Variants in NSMCE2 observed in about 807,000 individuals in gnomAD.
NSMCE2 encodes the protein NSE2 SUMO ligase component of SMC5/6 complex.
Under a neutral mutation model 23.8 loss-of-function variants are expected in NSMCE2, and 24 were observed. The observed-to-expected ratio is 1.01, with a 90% confidence interval of 0.73 to 1.42. The LOEUF (loss-of-function observed/expected upper bound fraction) is 1.42. Ranked by LOEUF, NSMCE2 falls within the 40% of genes most tolerant of loss-of-function variation. The pLI, the probability that NSMCE2 is intolerant of heterozygous loss-of-function variation, is 0.00. For missense variants in NSMCE2, 284 were observed against 296.5 expected (o/e 0.96, Z 0.31); for synonymous variants, 92 against 94.1 (o/e 0.98, Z 0.13).
rs1057076445 is a variant in NSMCE2 at position 125,366,856 on chromosome 8, A to C, written c.715A>C (p.Asn239His). The change falls in exon 8 of 8, where the codon AAC becomes CAC. Residue 239 changes from asparagine (N) to histidine (H), a missense_variant. Around this residue, in one of 2 missense-constraint regions of NSMCE2, gnomAD observed 102 missense variants for 141.0 expected, o/e 0.72. Transcript: ENST00000287437. ...EALRRAIENH[N>H]KKRHRHSE ...ACTTAGAAGGGCAATTGAGAACCAT[A>C]ACAAGAAAAGACATCGTCATTCCGA... The C allele has an allele frequency of 3.1e-6, 5 of 1,610,878 alleles. No individual in the cohort carries two copies. In the African/African-American group the frequency reaches 5.3e-5, roughly 17 times the overall value.
chr8:125,168,526 G>T (rs898338737), intron 4 of NSMCE2, among the ~76,000 whole-genome samples: 5 of 152,180 alleles, frequency 3.3e-5, no homozygotes, highest in African/African-American at 1.2e-4. Context: ...GAAGGTGCTG[G>T]CATGTTCAGC....
intron 3 of NSMCE2, among the ~76,000 whole-genome samples, chr8:125,104,558 A>G (rs1193211116): frequency 6.6e-6 from 1 of 152,074 alleles, no homozygotes; most frequent in East Asian, 1.9e-4. Context: ...TGAACCTGGG[A>G]GTTGTTCACT....
chr8:125,152,379 C>A (rs951896060), intron 4 of NSMCE2, among the ~76,000 whole-genome samples: 2 of 152,184 alleles, frequency 1.3e-5, no homozygotes, highest in African/African-American at 2.4e-5. Context: ...CAGCCAGTTT[C>A]TGAACTCTCA....
intron 3 of NSMCE2, among the ~76,000 whole-genome samples, chr8:125,113,985 A>G (rs1466124816): frequency 6.6e-6 from 1 of 152,232 alleles, no homozygotes; most frequent in Non-Finnish European, 1.5e-5. Flanking sequence ...GTAAATTCCC[A>G]GTTATTAAGA....
chr8:125,096,198 C>T (rs1213741509), intron 1 of NSMCE2, among the ~76,000 whole-genome samples: 1 of 152,140 alleles, frequency 6.6e-6, no homozygotes, highest in Non-Finnish European at 1.5e-5. Flanking sequence ...GCAGATTAGG[C>T]CTGGAAATGG....
At chr8:125,155,797 C>T (rs1023366534) in intron 4 of NSMCE2, among the ~76,000 whole-genome samples, 3 of 152,168 alleles carry the variant, frequency 2.0e-5, no homozygotes, top group African/African-American at 4.8e-5. Flanking sequence ...GGAATCCTCA[C>T]GTCCATTTTT....
At chr8:125,114,735 T>A (rs752286895) in intron 3 of NSMCE2, among the ~76,000 whole-genome samples, 23 of 152,204 alleles carry the variant, frequency 1.5e-4, no homozygotes, top group Non-Finnish European at 2.9e-5. Context: ...GTGCTGAGGC[T>A]GAGAAACTCT....
At chr8:125,284,652 G>A (rs1361684362) in intron 5 of NSMCE2, among the ~76,000 whole-genome samples, 1 of 152,188 alleles carries the variant, frequency 6.6e-6, no homozygotes, top group Admixed American at 6.6e-5. Context: ...GGATCTGAGA[G>A]CACTTACAGC....
intron 5 of NSMCE2, among the ~76,000 whole-genome samples, chr8:125,269,517 C>G (rs936777955): frequency 1.3e-5 from 2 of 152,164 alleles, no homozygotes; most frequent in African/African-American, 4.8e-5. Flanking sequence ...CTGCTCACTG[C>G]TTGATCAATT....
At chr8:125,203,197 A>AG (rs2130864533) in intron 5 of NSMCE2, among the ~76,000 whole-genome samples, 1 of 152,224 alleles carries the variant, frequency 6.6e-6, no homozygotes, top group East Asian at 1.9e-4. Context: ...GCCTTTAAAA[A>AG]AAAAAAAAAT....
chr8:125,294,904 G>A (rs1828263345), intron 5 of NSMCE2, among the ~76,000 whole-genome samples: 2 of 152,180 alleles, frequency 1.3e-5, no homozygotes. Context: ...GTAAACACTT[G>A]AAAATGGAGA....
chr8:125,154,897 T>G (rs974011221), intron 4 of NSMCE2, among the ~76,000 whole-genome samples: 1 of 151,364 alleles, frequency 6.6e-6, no homozygotes, highest in Non-Finnish European at 1.5e-5. Context: ...CTTTCTACGC[T>G]TTTATTAAGT....
At chr8:125,279,546 T>C (rs1489642841) in intron 5 of NSMCE2, among the ~76,000 whole-genome samples, 1 of 152,196 alleles carries the variant, frequency 6.6e-6, no homozygotes, top group East Asian at 1.9e-4. Flanking sequence ...GTGTCGGATA[T>C]AATGTAAGTG....
chr8:125,270,072 AAGAG>A (rs1029978400), intron 5 of NSMCE2, among the ~76,000 whole-genome samples: 2 of 152,186 alleles, frequency 1.3e-5, no homozygotes, highest in African/African-American at 4.8e-5. Flanking sequence ...GAGCTATAAG[AAGAG>A]AGAGAGTGTA....
At chr8:125,256,795 C>A (rs528045153) in intron 5 of NSMCE2, among the ~76,000 whole-genome samples, 2 of 151,786 alleles carry the variant, frequency 1.3e-5, no homozygotes, top group East Asian at 1.9e-4. Flanking sequence ...CGTGGTGGCA[C>A]ATGCCTGTAG....
chr8:125,153,056 C>CA (rs768246218), intron 4 of NSMCE2, among the ~76,000 whole-genome samples: 4,767 of 46,632 alleles, frequency 0.1, 627 homozygotes, highest in East Asian at 0.13. Flanking sequence ...GACTCCGTCT[C>CA]AAAAAAAAAA....
Position 125,151,175 on chromosome 8 carries a change from A to G in NSMCE2, c.162A>G (p.Glu54=), listed in dbSNP as rs1162086439. The G allele has an allele frequency of 6.4e-7, 1 of 1,565,708 alleles. No individual in the cohort carries two copies. The highest frequency in any genetic ancestry group is 8.8e-7 in the Non-Finnish European group (1 of 1,142,832). The part of the protein sequence containing the change: ...VALDLVESQT[E]VSSEYSMDKA... ...TGCAATTTTTTTTTCTTTCAGCTGA[A>G]GTGAGTAGTGAATATAGTATGGACA... Residue 54 remains glutamate, a synonymous_variant, in exon 4 of 8, where the codon GAA becomes GAG. Coordinates refer to ENST00000287437, the MANE Select transcript of NSMCE2 (RefSeq NM_173685.4).
intron 1 of NSMCE2, among the ~76,000 whole-genome samples, chr8:125,101,224 C>T (rs1818173792): frequency 6.6e-6 from 1 of 151,928 alleles, no homozygotes; most frequent in Admixed American, 6.6e-5. Flanking sequence ...AATGAATGAA[C>T]CTAATTAAAA....
intron 3 of NSMCE2, among the ~76,000 whole-genome samples, chr8:125,108,709 G>T (rs1818588255): frequency 6.6e-6 from 1 of 152,210 alleles, no homozygotes; most frequent in South Asian, 2.1e-4. Flanking sequence ...TGTGAAGAGG[G>T]TAAGAAAGAT....
Sources: gnomAD v4.1 joint callset for allele counts (sites outside exome capture counted in the v4.1 genomes callset) on GRCh38, gnomAD v4.1.1 for gene constraint, gnomAD v4.1.1 regional missense constraint, MANE v1.5 for transcripts, NCBI Gene and HGNC (gene_info 2026-07-23, HGNC 2026-07-21) for gene names.